Variants in PRELID2 observed in about 807,000 individuals in gnomAD.
PRELID2 encodes the protein PRELI domain containing 2.
PRELID2 carries 25 observed loss-of-function variants against 28.4 expected under a neutral mutation model. The observed-to-expected ratio is 0.88, with a 90% confidence interval of 0.64 to 1.23. PRELID2 has a LOEUF of 1.23. PRELID2 is among the 50% of genes most tolerant of loss of function. The pLI is 0.00. For synonymous variants in PRELID2, 76 were observed against 71.6 expected (o/e 1.06, Z -0.31); for missense variants, 201 against 214.4 (o/e 0.94, Z 0.39).
chr5:145,529,080 A>C (rs1257370286), intron 1 of PRELID2, among the ~76,000 whole-genome samples: 5 of 152,168 alleles, frequency 3.3e-5, no homozygotes, highest in African/African-American at 1.2e-4. Flanking sequence ...TGAAGTTTTC[A>C]TTTGCTACTT....
chr5:145,387,490 C>A, the PRELID2 span, among the ~76,000 whole-genome samples: 1 of 152,150 alleles, frequency 6.6e-6, no homozygotes, highest in Non-Finnish European at 1.5e-5. Flanking sequence ...GATGTTAGAA[C>A]TTGTTCACAT....
At chr5:145,363,755 T>C in the PRELID2 span, among the ~76,000 whole-genome samples, 36 of 152,154 alleles carry the variant, frequency 2.4e-4, no homozygotes, top group African/African-American at 8.4e-4. Context: ...GCCTTCCAAA[T>C]AATATTTGCC....
At chr5:145,487,598 T>C (rs1752229447) in intron 1 of PRELID2, among the ~76,000 whole-genome samples, 1 of 152,092 alleles carries the variant, frequency 6.6e-6, no homozygotes, top group African/African-American at 2.4e-5. Flanking sequence ...GAGAGGGTCA[T>C]GTCTATGCTT....
At position 145,711,478 on chromosome 5, in the gene PRELID2, C is replaced by T. The variant is rs140932494; in HGVS notation, n.70+53453G>A. ...CTGAACCATTTTGAGTTGTGAAAGG[C>T]TAAGTGAGCGCTATCATGACTGCTC... On this transcript the variant is annotated intron_variant and non_coding_transcript_variant, in intron 1 of 2. Transcript: ENST00000510259. Among the ~76,000 whole-genome samples, 344 of 152,208 alleles carry T rather than the reference C, an allele frequency of 2.3e-3. 4 individuals carry two copies. The highest frequency in any genetic ancestry group is 8.1e-3 in the African/African-American group (335 of 41,510).
the PRELID2 span, among the ~76,000 whole-genome samples, chr5:145,296,526 A>C: frequency 9.2e-5 from 14 of 152,030 alleles, no homozygotes; most frequent in African/African-American, 2.4e-5. Context: ...TGAACTCATC[A>C]TTTTTTATGG....
At chr5:145,531,193 A>G (rs1049597414) in intron 1 of PRELID2, among the ~76,000 whole-genome samples, 2 of 151,984 alleles carry the variant, frequency 1.3e-5, no homozygotes, top group Admixed American at 1.3e-4. Context: ...GCCCGTGTGC[A>G]TTGTCTGATC....
At chr5:145,260,697 G>A in the PRELID2 span, among the ~76,000 whole-genome samples, 1 of 152,164 alleles carries the variant, frequency 6.6e-6, no homozygotes, top group Non-Finnish European at 1.5e-5. Context: ...GTAGATAGGA[G>A]GCAGGACTAA....
intron 1 of PRELID2, among the ~76,000 whole-genome samples, chr5:145,651,220 G>A (rs1023990011): frequency 3.3e-5 from 5 of 152,212 alleles, no homozygotes; most frequent in Admixed American, 2.0e-4. Context: ...AGAGGTGCCT[G>A]CCATTGCTGA....
the PRELID2 span, among the ~76,000 whole-genome samples, chr5:145,235,419 C>G: frequency 2.0e-5 from 3 of 152,226 alleles, no homozygotes; most frequent in South Asian, 6.2e-4. Context: ...CCTTCAGTTG[C>G]TGTCAAGCCC....
the PRELID2 span, among the ~76,000 whole-genome samples, chr5:145,409,612 T>G: frequency 1.3e-5 from 2 of 150,798 alleles, no homozygotes; most frequent in Non-Finnish European, 3.0e-5. Flanking sequence ...GCAATAACAG[T>G]TAAAAAAAGA....
chr5:145,372,370 T>G, the PRELID2 span, among the ~76,000 whole-genome samples: 1 of 152,124 alleles, frequency 6.6e-6, no homozygotes, highest in Non-Finnish European at 1.5e-5. Context: ...TCCAATTACA[T>G]GGTCAATTTT....
At chr5:145,292,699 T>C in the PRELID2 span, among the ~76,000 whole-genome samples, 2 of 152,122 alleles carry the variant, frequency 1.3e-5, no homozygotes, top group African/African-American at 2.4e-5. Flanking sequence ...TCTGTACTCA[T>C]TTCCCACACT....
the PRELID2 span, among the ~76,000 whole-genome samples, chr5:145,443,515 G>A: frequency 1.3e-5 from 2 of 152,064 alleles, no homozygotes; most frequent in Non-Finnish European, 2.9e-5. Context: ...AGACAACTGA[G>A]CTGTATTGAC....
chr5:145,657,148 C>T (rs1313138257), intron 1 of PRELID2, among the ~76,000 whole-genome samples: 2 of 151,974 alleles, frequency 1.3e-5, no homozygotes, highest in Non-Finnish European at 2.9e-5. Context: ...ATGGGTCAAA[C>T]AGATAATAAT....
intron 1 of PRELID2, among the ~76,000 whole-genome samples, chr5:145,528,234 A>T (rs569161140): frequency 6.6e-6 from 1 of 152,228 alleles, no homozygotes; most frequent in South Asian, 2.1e-4. Context: ...GAGCTATGTG[A>T]TTGTCATATG....
chr5:145,431,414 G>A, the PRELID2 span, among the ~76,000 whole-genome samples: 1 of 152,124 alleles, frequency 6.6e-6, no homozygotes, highest in African/African-American at 2.4e-5. Context: ...ATGATAAACT[G>A]GATATTTACA....
intron 1 of PRELID2, among the ~76,000 whole-genome samples, chr5:145,525,421 T>C (rs1409140210): frequency 6.6e-6 from 1 of 152,164 alleles, no homozygotes; most frequent in East Asian, 1.9e-4. Context: ...CTTTTTAAAT[T>C]TCTAAATAAT....
the PRELID2 span, among the ~76,000 whole-genome samples, chr5:145,402,585 G>GGT: frequency 6.6e-6 from 1 of 152,038 alleles, no homozygotes; most frequent in African/African-American, 2.4e-5. Flanking sequence ...ATTCTCACTG[G>GGT]GTGTGTGACC....
intron 1 of PRELID2, among the ~76,000 whole-genome samples, chr5:145,591,323 A>T (rs1020538468): frequency 6.6e-6 from 1 of 152,024 alleles, no homozygotes; most frequent in Non-Finnish European, 1.5e-5. Context: ...TGAGACCCAC[A>T]TTGATTTGGC....
Sources: gnomAD v4.1 joint callset for allele counts (sites outside exome capture counted in the v4.1 genomes callset) on GRCh38, gnomAD v4.1.1 for gene constraint, MANE v1.5 for transcripts, NCBI Gene and HGNC (gene_info 2026-07-23, HGNC 2026-07-21) for gene names.